The following GRID2 variants were observed in gnomAD, a reference collection of about 807,000 sequenced individuals.
The protein encoded by GRID2 is glutamate receptor ionotropic, delta-2.
A neutral mutation model predicts 114.8 loss-of-function variants in GRID2; 33 were observed. The observed-to-expected ratio is 0.29, with a 90% CI of 0.22 to 0.38. GRID2 has a LOEUF of 0.38. Among genes scored for constraint, GRID2 ranks in the 10% least tolerant of loss-of-function variants. GRID2 has a pLI of 1.00. For missense variants in GRID2, 1,184 were observed against 1,257.7 expected (o/e 0.94, Z 0.89); for synonymous variants, 505 against 449.9 (o/e 1.12, Z -1.55).
At chr4:93,600,272 A>T (rs1739534652) in intron 13 of GRID2, among the ~76,000 whole-genome samples, 1 of 152,236 alleles carries the variant, frequency 6.6e-6, no homozygotes, top group Non-Finnish European at 1.5e-5. Context: ...TATTAAGAAA[A>T]TTAAAAAGGT....
At chr4:92,956,343 C>G (rs1752410977) in intron 2 of GRID2, among the ~76,000 whole-genome samples, 1 of 152,150 alleles carries the variant, frequency 6.6e-6, no homozygotes, top group Admixed American at 6.5e-5. Flanking sequence ...TGGTATTATG[C>G]AGAATAGTTT....
intron 4 of GRID2, among the ~76,000 whole-genome samples, chr4:93,169,271 G>A (rs1293176086): frequency 1.3e-5 from 2 of 151,234 alleles, no homozygotes; most frequent in Non-Finnish European, 2.9e-5. Context: ...TGTCTTTATT[G>A]ATGTACTTTC....
intron 2 of GRID2, among the ~76,000 whole-genome samples, chr4:92,810,965 T>G (rs1009791023): frequency 6.6e-6 from 1 of 151,978 alleles, no homozygotes; most frequent in Non-Finnish European, 1.5e-5. Context: ...GTACTTTTAG[T>G]AGAGATGAAG....
chr4:92,415,738 G>GTA (rs1731571340), intron 1 of GRID2, among the ~76,000 whole-genome samples: 6 of 56,772 alleles, frequency 1.1e-4, no homozygotes, highest in Non-Finnish European at 1.6e-4. Context: ...GTGTGTATGT[G>GTA]TGTATATATA....
intron 14 of GRID2, among the ~76,000 whole-genome samples, chr4:93,650,318 A>T (rs1265507815): frequency 1.3e-5 from 2 of 152,158 alleles, no homozygotes; most frequent in Non-Finnish European, 2.9e-5. Flanking sequence ...TTTTTTTCTG[A>T]GATTATATCC....
intron 8 of GRID2, among the ~76,000 whole-genome samples, chr4:93,293,826 C>T (rs1210522140): frequency 1.3e-5 from 2 of 152,124 alleles, no homozygotes; most frequent in East Asian, 1.9e-4. Context: ...CTATTTATTG[C>T]GTGCCTACTA....
chr4:93,467,193 T>C lies in GRID2; in HGVS notation c.1858+11219T>C, dbSNP rs190657536. On this transcript the variant is annotated intron_variant, in intron 11 of 15. Coordinates refer to ENST00000282020, the MANE Select transcript of GRID2 (RefSeq NM_001510.4). ...GAAGTGAAGAACATGCCATGCCAGA[T>C]TGCAAAAGTTGGTTCTGGATTTAAA... Among the ~76,000 whole-genome samples, 578 of 152,330 alleles carry C rather than the reference T, an allele frequency of 3.8e-3. 7 individuals carry two copies. Among genetic ancestry groups the C allele is most frequent in the Non-Finnish European group, 1.3e-3 (86 of 68,018 alleles).
chr4:93,653,963 T>G (rs888768124), intron 14 of GRID2, among the ~76,000 whole-genome samples: 1 of 152,218 alleles, frequency 6.6e-6, no homozygotes, highest in African/African-American at 2.4e-5. Flanking sequence ...ATCCTTTTCT[T>G]CAAAGCACTC....
chr4:92,531,272 A>T (rs1725342948), intron 1 of GRID2, among the ~76,000 whole-genome samples: 1 of 152,122 alleles, frequency 6.6e-6, no homozygotes, highest in African/African-American at 2.4e-5. Flanking sequence ...AAAATAGTTT[A>T]ATTTTAAGCA....
At chr4:93,014,977 TAGTC>T (rs1722538724) in intron 2 of GRID2, among the ~76,000 whole-genome samples, 1 of 152,118 alleles carries the variant, frequency 6.6e-6, no homozygotes, top group African/African-American at 2.4e-5. Flanking sequence ...GTGATATTCT[TAGTC>T]AGTGGCAGAG....
At chr4:92,501,813 C>T (rs1723696834) in intron 1 of GRID2, among the ~76,000 whole-genome samples, 1 of 152,058 alleles carries the variant, frequency 6.6e-6, no homozygotes, top group Non-Finnish European at 1.5e-5. Context: ...AAATTATATT[C>T]CAACCAAGAA....
intron 1 of GRID2, among the ~76,000 whole-genome samples, chr4:92,319,257 C>T (rs1229049819): frequency 1.3e-5 from 2 of 152,034 alleles, no homozygotes; most frequent in Non-Finnish European, 2.9e-5. Context: ...TCTAATCTAC[C>T]TAAATGATTT....
intron 1 of GRID2, among the ~76,000 whole-genome samples, chr4:92,386,152 G>T (rs1255726846): frequency 6.6e-6 from 1 of 151,462 alleles, no homozygotes; most frequent in Non-Finnish European, 1.5e-5. Flanking sequence ...GGTAATGCCT[G>T]CATCTTATTG....
chr4:93,086,051 T>C (rs1327348851), intron 3 of GRID2, among the ~76,000 whole-genome samples: 1 of 152,186 alleles, frequency 6.6e-6, no homozygotes, highest in African/African-American at 2.4e-5. Context: ...AATATCTTAA[T>C]CTATAGATTC....
intron 2 of GRID2, among the ~76,000 whole-genome samples, chr4:92,699,340 C>T (rs1425742658): frequency 6.6e-6 from 1 of 152,080 alleles, no homozygotes; most frequent in Non-Finnish European, 1.5e-5. Flanking sequence ...CTAGTGAGTG[C>T]AAAAGGGCAG....
At chr4:93,198,705 A>G (rs2149457093) in intron 4 of GRID2, among the ~76,000 whole-genome samples, 1 of 152,276 alleles carries the variant, frequency 6.6e-6, no homozygotes, top group South Asian at 2.1e-4. Flanking sequence ...AATTTGAGTT[A>G]TGAGAAACAC....
intron 8 of GRID2, among the ~76,000 whole-genome samples, chr4:93,241,159 C>A (rs529785546): frequency 6.6e-6 from 1 of 151,658 alleles, no homozygotes; most frequent in East Asian, 1.9e-4. Flanking sequence ...ATGTCATTTT[C>A]TGTTTGCTGC....
At chr4:92,940,774 T>C (rs1405522647) in intron 2 of GRID2, among the ~76,000 whole-genome samples, 2 of 152,118 alleles carry the variant, frequency 1.3e-5, no homozygotes, top group African/African-American at 4.8e-5. Context: ...GTTTTTAGCA[T>C]GAAGGGTTGT....
chr4:93,074,132 A>C (rs2149308704), intron 2 of GRID2, among the ~76,000 whole-genome samples: 1 of 152,354 alleles, frequency 6.6e-6, no homozygotes, highest in Non-Finnish European at 1.5e-5. Flanking sequence ...CTGCTGCTAG[A>C]GGAATCCAAA....
Sources: allele counts gnomAD v4.1 joint callset (sites outside exome capture counted in the v4.1 genomes callset), GRCh38; gene constraint gnomAD v4.1.1; transcripts MANE v1.5; gene names NCBI Gene and HGNC (gene_info 2026-07-23, HGNC 2026-07-21).